The following CP variants were observed in gnomAD, a reference collection of about 807,000 sequenced individuals.
The protein encoded by CP is ceruloplasmin.
CP carries 64 observed loss-of-function variants against 122.4 expected under a neutral mutation model. The observed-to-expected ratio is 0.52, with a 90% CI of 0.43 to 0.64. The LOEUF (loss-of-function observed/expected upper bound fraction) is 0.64, where lower values mean the gene tolerates loss of function less well. CP is among the 30% of genes least tolerant of loss of function. The pLI is 0.00. For missense variants in CP, 1,167 were observed against 1,284.4 expected (o/e 0.91, Z 1.40); for synonymous variants, 440 against 436.4 (o/e 1.01, Z -0.10).
At chr3:149,188,903 C>T (rs1726363297) in intron 9 of CP, among the ~76,000 whole-genome samples, 1 of 151,978 alleles carries the variant, frequency 6.6e-6, no homozygotes, top group Non-Finnish European at 1.5e-5. Context: ...CCCTTAAGAT[C>T]AGTCCTTCAG....
At position 149,202,143 on chromosome 3, in the gene CP, C is replaced by T. The variant is rs188639920; in HGVS notation, c.1307G>A (p.Arg436Gln). Residue 436 changes from arginine (R) to glutamine (Q), a missense_variant, in exon 7 of 19, where the codon CGA (arginine) becomes CAA (glutamine). Transcript: ENST00000264613. Reference sequence around the variant, plus strand: ...CTCTTCTTCAGGGCCTCTCTCCTTTCGATTTGTGAAGGAGGCATCTGTGTA... The same window carrying T: ...CTCTTCTTCAGGGCCTCTCTCCTTTTGATTTGTGAAGGAGGCATCTGTGTA... Reference protein sequence around the residue: ...REYTDASFTNRKERGPEEEHL... With the variant: ...REYTDASFTNQKERGPEEEHL... 16 of 1,613,958 alleles carry T rather than the reference C, an allele frequency of 9.9e-6. No homozygotes were observed. Among genetic ancestry groups the T allele is most frequent in the Admixed American group, 3.3e-5 (2 of 59,992 alleles).
chr3:149,185,830 A>G (rs1433321272), intron 11 of CP, among the ~76,000 whole-genome samples: 1 of 152,152 alleles, frequency 6.6e-6, no homozygotes, highest in African/African-American at 2.4e-5. Flanking sequence ...ATGTATTAAT[A>G]TACTTGCTTG....
At chr3:149,209,717 G>A (rs933890223) in intron 3 of CP, among the ~76,000 whole-genome samples, 2 of 152,136 alleles carry the variant, frequency 1.3e-5, no homozygotes, top group Admixed American at 6.6e-5. Flanking sequence ...TACAGGTAAC[G>A]ATTGTTCAAG....
chr3:149,173,573 A>G lies in CP; in HGVS notation c.*141T>C. ...CAAAAAATTAATAGTTTTCCCCCAC[A>G]AATGTACAAAGTTGTATGCTTCCAG... On this transcript the variant is annotated 3_prime_UTR_variant, in exon 19 of 19. Transcript: ENST00000264613. 2 of 596,246 alleles carry G rather than the reference A, an allele frequency of 3.4e-6. No individual in the cohort carries two copies. The highest frequency in any genetic ancestry group is 5.9e-6 in the Non-Finnish European group (2 of 337,924). 36.9% of individuals were successfully genotyped at this position (596,246 alleles called of 1,614,324 possible).
chr3:149,179,881 G>A (rs1553758187), intron 14 of CP: 1 of 517,350 alleles, frequency 1.9e-6, no homozygotes, highest in Non-Finnish European at 3.5e-6. Context: ...CATTTTTTGG[G>A]TTAATTTTAA....
In CP at chr3:149,199,840, C is replaced by G. The variant is rs1201307107; in HGVS notation, c.1373G>C (p.Gly458Ala). The G allele has an allele frequency of 6.2e-7, 1 of 1,614,068 alleles. No individual in the cohort carries two copies. The highest frequency in any genetic ancestry group is 2.2e-5 in the East Asian group (1 of 44,882). ...ATGGAAGGTTACTCTGATGGTGTCT[C>G]CCACCTCTGCCCAAATGACAGGACC... ...ILGPVIWAEV[G>A]DTIRVTFHNK... Residue 458 changes from glycine (G) to alanine (A), a missense_variant, in exon 8 of 19, where the codon GGA (glycine) becomes GCA (alanine). Gly to Ala is a moderately conservative substitution (Grantham distance 60, BLOSUM62 0). Coordinates refer to ENST00000264613, the MANE Select transcript of CP (RefSeq NM_000096.4).
In CP at chr3:149,207,361, A is replaced by G. The variant is rs1254454889; in HGVS notation, c.1036+2T>C. The G allele has an allele frequency of 6.2e-7, 1 of 1,613,834 alleles. No individual in the cohort carries two copies. Among genetic ancestry groups the G allele is most frequent in the Admixed American group, 1.7e-5 (1 of 60,000 alleles). On this transcript the variant is annotated splice_donor_variant, in intron 5 of 18. Coordinates refer to ENST00000264613, the MANE Select transcript of CP (RefSeq NM_000096.4). LOFTEE classifies it high-confidence loss of function. ...TGCTAATTTCAGGTAAAGATGTCCTACCTTTCAGATGGTTTAGATTCTGAC... is the reference window on the plus strand; with the variant it reads ...TGCTAATTTCAGGTAAAGATGTCCTGCCTTTCAGATGGTTTAGATTCTGAC...
chr3:149,202,141 T>G lies in CP; in HGVS notation c.1309A>C (p.Lys437Gln). 6.2e-7 allele frequency: 1 copy of G among 1,614,128 alleles called. No individual in the cohort carries two copies. Among genetic ancestry groups the G allele is most frequent in the East Asian group, 2.2e-5 (1 of 44,874 alleles). ...TGCTCTTCTTCAGGGCCTCTCTCCT[T>G]TCGATTTGTGAAGGAGGCATCTGTG... The part of the protein sequence containing the change: ...EYTDASFTNR[K>Q]ERGPEEEHLG... The change falls in exon 7 of 19, where the codon AAG becomes CAG. Residue 437 changes from lysine (K) to glutamine (Q), a missense_variant. By Grantham distance (53) the Lys-to-Gln change is moderately conservative (BLOSUM62 1). Around this residue, in one of 2 missense-constraint regions of CP, gnomAD observed 642 missense variants for 627.3 expected, o/e 1.02. Coordinates refer to ENST00000264613, the MANE Select transcript of CP (RefSeq NM_000096.4).
At chr3:149,177,358 C>T (rs1725484287) in intron 17 of CP, among the ~76,000 whole-genome samples, 1 of 152,140 alleles carries the variant, frequency 6.6e-6, no homozygotes, top group Non-Finnish European at 1.5e-5. Context: ...CTAGGAAGAG[C>T]TCAATGTGTA....
In CP at chr3:149,203,202, C is replaced by T. The variant is rs370628177; in HGVS notation, c.1209-961G>A. Among the ~76,000 whole-genome samples the T allele has an allele frequency of 5.5e-4, 84 of 152,262 alleles. No individual in the cohort carries two copies. In the East Asian group the frequency reaches 0.011, roughly 21 times the overall value. Reference sequence around the variant, plus strand: ...GATTACAGGCGTAAGCCACTGCGCCCGGCCCCAGTGGCTACTCTTTATTGT... The same window carrying T: ...GATTACAGGCGTAAGCCACTGCGCCTGGCCCCAGTGGCTACTCTTTATTGT... On this transcript the variant is annotated intron_variant, in intron 6 of 18. Coordinates refer to ENST00000264613, the MANE Select transcript of CP (RefSeq NM_000096.4).
At position 149,206,215 on chromosome 3, in the gene CP, G is replaced by C. The variant is rs1727704266; in HGVS notation, c.1161C>G (p.Pro387=). ...AAEEIIWNYA[P]SGIDIFTKEN... ...CTTTAGTGAAGATGTCTATACCAGA[G>C]GGAGCATAGTTCCAGATGATTTCCT... The change falls in exon 6 of 19, where the codon CCC becomes CCG. Residue 387 remains proline (P), a synonymous_variant. Transcript: ENST00000264613. 1 of 1,613,978 alleles carries C rather than the reference G, an allele frequency of 6.2e-7. No homozygotes were observed. The highest frequency in any genetic ancestry group is 8.5e-7 in the Non-Finnish European group (1 of 1,179,890).
At position 149,189,349 on chromosome 3, in the gene CP, C is replaced by G. The variant is rs565165712; in HGVS notation, c.1714-1147G>C. Among the ~76,000 whole-genome samples the G allele has an allele frequency of 7.9e-5, 12 of 152,006 alleles. No homozygotes were observed. In the South Asian group the frequency reaches 2.5e-3, roughly 32 times the overall value. On this transcript the variant is annotated intron_variant, in intron 9 of 18. Transcript: ENST00000264613. The stretch of plus-strand genomic sequence containing the variant: ...CATGTGGATCACGAGGTCAGGAGAT[C>G]GAGACCATCCTGGCTAACATGTGAA...
chr3:149,178,114 G>A, intron 16 of CP, 135 bp from the exon 17 acceptor site: 1 of 840,696 alleles, frequency 1.2e-6, no homozygotes, highest in Non-Finnish European at 2.0e-6. Flanking sequence ...ACAAATGAGA[G>A]AAATGGATAC....
chr3:149,179,461 C>A, intron 15 of CP, 95 bp downstream of exon 15: 1 of 925,402 alleles, frequency 1.1e-6, no homozygotes. Context: ...AGGATTTTAA[C>A]GTAGAATTGG....
chr3:149,185,321 A>C lies in CP; in HGVS notation c.2203T>G (p.Tyr735Asp). Residue 735 changes from tyrosine (Y) to aspartate (D), a missense_variant, in exon 12 of 19, where the codon TAT becomes GAT. Coordinates refer to ENST00000264613, the MANE Select transcript of CP (RefSeq NM_000096.4). ...CATTCCACCTCCACTGCTGCGATAT[A>C]GTATGTCCTCTCTCCCAGGTAGAAG... is the stretch of plus-strand genomic sequence containing the variant. The part of the protein sequence containing the change: ...STFYLGERTY[Y>D]IAAVEVEWDY... 1 of 1,614,082 alleles carries C rather than the reference A, an allele frequency of 6.2e-7. No homozygotes were observed.
chr3:149,219,994 A>G (rs1211047961), intron 1 of CP, among the ~76,000 whole-genome samples: 1 of 152,176 alleles, frequency 6.6e-6, no homozygotes, highest in African/African-American at 2.4e-5. Context: ...TAAATTACTC[A>G]GTCTTGAGTA....
chr3:149,215,183 T>G (rs538250833), intron 1 of CP, among the ~76,000 whole-genome samples: 1 of 152,370 alleles, frequency 6.6e-6, no homozygotes, highest in East Asian at 1.9e-4. Context: ...ATAAAATGTT[T>G]CTTTATATTT....
At chr3:149,183,164 A>G (rs1246053665) in intron 13 of CP, among the ~76,000 whole-genome samples, 1 of 152,138 alleles carries the variant, frequency 6.6e-6, no homozygotes, top group Non-Finnish European at 1.5e-5. Context: ...ACAGAATTTC[A>G]TTAGAAAATA....
exon 6 of CP, chr3:149,162,514 C>A: frequency 1.1e-6 from 1 of 910,682 alleles, no homozygotes. Flanking sequence ...TTTATTTGTA[C>A]ATCCTAGAAT....
Sources: gnomAD v4.1 joint callset for allele counts (sites outside exome capture counted in the v4.1 genomes callset) on GRCh38, gnomAD v4.1.1 for gene constraint, gnomAD v4.1.1 regional missense constraint, MANE v1.5 for transcripts, NCBI Gene and HGNC (gene_info 2026-07-23, HGNC 2026-07-21) for gene names.